The following HERC4 variants were observed in gnomAD, a reference collection of about 807,000 sequenced individuals.
HERC4 encodes probable E3 ubiquitin-protein ligase HERC4.
HERC4 carries 28 observed loss-of-function variants against 124.3 expected under a neutral mutation model. The ratio of observed to expected loss-of-function variants is 0.23; its 90% CI spans 0.17 to 0.31. The LOEUF is 0.31. Among genes scored for constraint, HERC4 ranks in the 10% least tolerant of loss-of-function variants. The pLI is 1.00. For synonymous variants in HERC4, 407 were observed against 421.5 expected, an observed-to-expected ratio of 0.97 and a Z score of 0.42; for missense variants, 713 against 1,229.3, an observed-to-expected ratio of 0.58 and a Z score of 6.28.
chr10:68,055,687 CAT>C (rs1486522704), intron 3 of HERC4, among the ~76,000 whole-genome samples: 3 of 151,468 alleles, frequency 2.0e-5, no homozygotes, highest in Admixed American at 2.0e-4. Flanking sequence ...TCAAATATAA[CAT>C]AGTTATGTTT....
chr10:68,003,328 A>ATTTT (rs34287961), intron 9 of HERC4, among the ~76,000 whole-genome samples: 7 of 130,834 alleles, frequency 5.4e-5, no homozygotes, highest in African/African-American at 2.0e-4. Context: ...TGCCTGACTA[A>ATTTT]TTTTTTTTTT....
intron 3 of HERC4, among the ~76,000 whole-genome samples, chr10:68,064,986 T>G (rs1424268350): frequency 6.7e-6 from 1 of 149,378 alleles, no homozygotes; most frequent in African/African-American, 2.5e-5. Flanking sequence ...AAAAAAAAAA[T>G]CCAAAAAATA....
intron 7 of HERC4, among the ~76,000 whole-genome samples, chr10:68,029,746 GTT>G (rs986210401): frequency 7.2e-6 from 1 of 138,356 alleles, no homozygotes; most frequent in Non-Finnish European, 1.6e-5. Context: ...ATAACACTTT[GTT>G]TTTTTTTTTT....
chr10:68,065,672 C>T (rs2041265598), intron 3 of HERC4, among the ~76,000 whole-genome samples: 1 of 152,018 alleles, frequency 6.6e-6, no homozygotes, highest in Non-Finnish European at 1.5e-5. Context: ...CCAGCTTGGG[C>T]AAAAGAGTGG....
At chr10:67,965,419 T>C (rs772838033) in intron 16 of HERC4, 7 of 151,846 alleles carry the variant, frequency 4.6e-5, no homozygotes, top group Non-Finnish European at 1.0e-4. Flanking sequence ...CAGATTCTCA[T>C]TGTTTGTTGA....
intron 21 of HERC4, among the ~76,000 whole-genome samples, chr10:67,936,483 G>A (rs1387187830): frequency 1.3e-5 from 2 of 152,142 alleles, no homozygotes; most frequent in African/African-American, 4.8e-5. Flanking sequence ...AGGAAACTAA[G>A]CATTTGTTGT....
At chr10:67,959,853 A>T (rs373438769) in intron 16 of HERC4, among the ~76,000 whole-genome samples, 4 of 152,342 alleles carry the variant, frequency 2.6e-5, no homozygotes, top group South Asian at 4.1e-4. Flanking sequence ...AAGTTTCCAC[A>T]TATGCTCAGA....
chr10:68,006,375 G>GA (rs1554818272), intron 9 of HERC4, among the ~76,000 whole-genome samples: 2 of 134,036 alleles, frequency 1.5e-5, no homozygotes. Flanking sequence ...TTTTGTTTTT[G>GA]TTTTTTTTTT....
intron 9 of HERC4, chr10:67,995,403 T>A (rs558866804): frequency 3.7e-6 from 1 of 273,808 alleles, no homozygotes; most frequent in African/African-American, 2.3e-5. Context: ...TAATGCTTGA[T>A]CTATTACAAT....
rs2037890735 is a variant in HERC4 at position 68,010,638 on chromosome 10, T to C, written c.1069+3388A>G. ...TTTGCATATCTCCTGAATATTTTCA[T>C]TGTTGTCGGCTTCCTCCACCCACTT... is the stretch of plus-strand genomic sequence containing the variant. On this transcript the variant is annotated intron_variant, in intron 9 of 24. Transcript: ENST00000373700. The C allele has an allele frequency of 2.8e-6, 4 of 1,437,992 alleles. No individual in the cohort carries two copies. The South Asian group carries it at 4.8e-5, about 17-fold the overall frequency. The allele number at this position is 1,437,992 out of a possible 1,614,324, so 89.1% of individuals were successfully genotyped here. A position where few individuals can be genotyped will look rare whatever the true frequency, so the allele number is the denominator to read the frequency against.
intron 16 of HERC4, among the ~76,000 whole-genome samples, chr10:67,961,628 C>T (rs2034527977): frequency 6.6e-6 from 1 of 152,092 alleles, no homozygotes; most frequent in African/African-American, 2.4e-5. Flanking sequence ...GGGACCCTCC[C>T]CAAACTCACA....
chr10:68,033,381 T>A (rs1036134011), intron 6 of HERC4, among the ~76,000 whole-genome samples: 6 of 152,232 alleles, frequency 3.9e-5, no homozygotes, highest in Admixed American at 1.3e-4. Flanking sequence ...TAACTCACTT[T>A]TGTCCATTTC....
intron 9 of HERC4, among the ~76,000 whole-genome samples, chr10:68,011,529 C>T (rs901033403): frequency 7.2e-5 from 11 of 152,232 alleles, no homozygotes; most frequent in African/African-American, 2.7e-4. Flanking sequence ...ATATCTCCAT[C>T]TGAGCTCTGA....
chr10:67,946,986 C>T (rs1431281275), intron 19 of HERC4, among the ~76,000 whole-genome samples: 1 of 152,080 alleles, frequency 6.6e-6, no homozygotes, highest in East Asian at 1.9e-4. Context: ...AATATTATTA[C>T]CGCTAAAGAG....
chr10:68,016,378 G>A (rs542993612), intron 8 of HERC4, among the ~76,000 whole-genome samples: 3 of 152,074 alleles, frequency 2.0e-5, no homozygotes, highest in African/African-American at 7.2e-5. Context: ...TTTTGAGATG[G>A]AGTCTCACTC....
At chr10:68,026,531 ACT>A (rs1343906561) in intron 7 of HERC4, among the ~76,000 whole-genome samples, 1 of 151,860 alleles carries the variant, frequency 6.6e-6, no homozygotes, top group Admixed American at 6.6e-5. Flanking sequence ...ACATGGTGAA[ACT>A]CTGTCTCTAC....
At chr10:68,026,369 T>A (rs1451443102) in intron 7 of HERC4, among the ~76,000 whole-genome samples, 1 of 152,006 alleles carries the variant, frequency 6.6e-6, no homozygotes, top group Non-Finnish European at 1.5e-5. Flanking sequence ...GTGCTGGGAT[T>A]ACAGGCATGA....
chr10:67,922,970 G>C lies in HERC4; in HGVS notation c.3111C>G (p.Ile1037Met). The stretch of plus-strand genomic sequence containing the variant: ...AGCCTTCATTGTGATCAATAGCTTG[G>C]ATCAGTTTAGAGCGTAGAGTTTCTT... ...TEKETLRSKL[I>M]QAIDHNEGFS... Residue 1037 changes from isoleucine (I) to methionine (M), a missense_variant, in exon 25 of 25, where the codon ATC becomes ATG. Ile to Met is a conservative substitution (Grantham distance 10, BLOSUM62 1). Coordinates refer to ENST00000373700, the MANE Select transcript of HERC4 (RefSeq NM_015601.4). 1 of 1,613,360 alleles carries C rather than the reference G, an allele frequency of 6.2e-7. No homozygotes were observed. The highest frequency in any genetic ancestry group is 8.5e-7 in the Non-Finnish European group (1 of 1,179,492).
intron 3 of HERC4, among the ~76,000 whole-genome samples, chr10:68,054,809 A>T (rs546499625): frequency 2.0e-4 from 30 of 152,170 alleles, no homozygotes; most frequent in Non-Finnish European, 3.8e-4. Context: ...ACCAAAGGCT[A>T]CTTCACTCAA....
Sources: gnomAD v4.1 joint callset for allele counts (sites outside exome capture counted in the v4.1 genomes callset) on GRCh38, gnomAD v4.1.1 for gene constraint, MANE v1.5 for transcripts, NCBI Gene and HGNC (gene_info 2026-07-23, HGNC 2026-07-21) for gene names.